Variants in EXOC6 observed in about 807,000 individuals in gnomAD.
EXOC6 encodes exocyst complex component 6.
In EXOC6, 60 loss-of-function variants were observed where a neutral mutation model predicts 112.5. That is an observed-to-expected ratio of 0.53 (90% confidence interval 0.43 to 0.66). The LOEUF is 0.66. Ranked by LOEUF, EXOC6 falls within the 30% of genes least tolerant of loss-of-function variation. The pLI is 0.00. For missense variants in EXOC6, 855 were observed against 957.1 expected (o/e 0.89, Z 1.41); for synonymous variants, 295 against 308.0 (o/e 0.96, Z 0.44).
intron 20 of EXOC6, among the ~76,000 whole-genome samples, chr10:93,020,369 G>C (rs1844729450): frequency 6.6e-6 from 1 of 151,858 alleles, no homozygotes; most frequent in Non-Finnish European, 1.5e-5. Flanking sequence ...TGTGCAAAAA[G>C]TTTGCTTGAA....
At chr10:92,896,141 G>GTATA (rs1157417259) in intron 4 of EXOC6, among the ~76,000 whole-genome samples, 1 of 33,668 alleles carries the variant, frequency 3.0e-5, no homozygotes, top group African/African-American at 1.4e-4. Context: ...GTGTGTGTAT[G>GTATA]TATGTGTATA....
intron 17 of EXOC6, among the ~76,000 whole-genome samples, chr10:92,964,476 G>T (rs896632502): frequency 6.6e-6 from 1 of 152,138 alleles, no homozygotes; most frequent in Non-Finnish European, 1.5e-5. Flanking sequence ...GCAGGAAGAA[G>T]TTAACTAGGG....
At chr10:92,923,078 G>A (rs9633695) in intron 8 of EXOC6, among the ~76,000 whole-genome samples, 119,062 of 152,114 alleles carry the variant, frequency 0.78, 47,860 homozygotes, top group East Asian at 0.99. Flanking sequence ...CAGATTACCA[G>A]TGTTGAGATT....
chr10:92,867,482 G>A (rs981349496), intron 1 of EXOC6, among the ~76,000 whole-genome samples: 3 of 152,136 alleles, frequency 2.0e-5, no homozygotes, highest in African/African-American at 7.2e-5. Context: ...ACTTCTGGGA[G>A]CCAAGAAAAG....
At chr10:92,939,655 C>T (rs1028950674) in intron 12 of EXOC6, among the ~76,000 whole-genome samples, 1 of 151,968 alleles carries the variant, frequency 6.6e-6, no homozygotes, top group Non-Finnish European at 1.5e-5. Flanking sequence ...TTGAAGTAAT[C>T]ATCAGAGGTT....
Position 92,915,902 on chromosome 10 carries a change from A to G in EXOC6, c.808A>G (p.Asn270Asp). The G allele has an allele frequency of 6.5e-7, 1 of 1,536,384 alleles. No individual in the cohort carries two copies. Among genetic ancestry groups the G allele is most frequent in the Non-Finnish European group, 8.7e-7 (1 of 1,152,762 alleles). Reference protein sequence around the residue: ...LKHSLEEEDENEEEILTVQDL... With the variant: ...LKHSLEEEDEDEEEILTVQDL... ...ACATTCACTTGAAGAAGAGGATGAG[A>G]ATGAAGAAGAGGTGATAGGTGTCTT... Residue 270 changes from asparagine to aspartate, a missense_variant, in exon 7 of 22, where the codon AAT becomes GAT. This residue lies in a region of EXOC6 where 405 missense variants were observed against 393.6 expected (regional missense o/e 1.03). Transcript: ENST00000260762.
At chr10:93,001,740 A>G (rs1843765914) in intron 19 of EXOC6, among the ~76,000 whole-genome samples, 1 of 152,196 alleles carries the variant, frequency 6.6e-6, no homozygotes, top group African/African-American at 2.4e-5. Flanking sequence ...CCTGACAACT[A>G]TATCTGAAGT....
At chr10:92,935,615 C>T (rs1564843235) in intron 11 of EXOC6, among the ~76,000 whole-genome samples, 199 bp from the exon 12 acceptor site, 1 of 152,042 alleles carries the variant, frequency 6.6e-6, no homozygotes, top group Non-Finnish European at 1.5e-5. Flanking sequence ...TCATAAGTAT[C>T]ATATTATGAT....
chr10:92,838,746 G>A (rs1409288566), intron 1 of EXOC6, among the ~76,000 whole-genome samples: 2 of 152,152 alleles, frequency 1.3e-5, no homozygotes, highest in Admixed American at 6.5e-5. Context: ...CAGTGCCTGT[G>A]TTGTCCCAGC....
At chr10:93,000,478 C>T (rs1432754605) in intron 19 of EXOC6, among the ~76,000 whole-genome samples, 1 of 152,066 alleles carries the variant, frequency 6.6e-6, no homozygotes, top group South Asian at 2.1e-4. Context: ...TTGGAAAAGA[C>T]CAAGAAAGGT....
chr10:92,965,176 T>C (rs1055464412), intron 17 of EXOC6, among the ~76,000 whole-genome samples: 4 of 152,160 alleles, frequency 2.6e-5, no homozygotes, highest in African/African-American at 7.2e-5. Flanking sequence ...CAGTAAATCG[T>C]ATATGTTTAC....
At chr10:92,847,835 CT>C (rs3078184), upstream of EXOC6, among the ~76,000 whole-genome samples, 1,086 of 93,582 alleles carry the variant, frequency 0.012, 13 homozygotes, top group African/African-American at 0.035. Context: ...CGCCCTGGGC[CT>C]TTTTTTTTTT....
intron 4 of EXOC6, among the ~76,000 whole-genome samples, chr10:92,896,007 A>G (rs1431715338): frequency 2.8e-5 from 4 of 142,324 alleles, no homozygotes; most frequent in Non-Finnish European, 6.1e-5. Context: ...TTATATATAT[A>G]TGTGTATATA....
intron 1 of EXOC6, among the ~76,000 whole-genome samples, chr10:92,865,745 A>G (rs1214963430): frequency 1.3e-5 from 2 of 151,966 alleles, no homozygotes; most frequent in Non-Finnish European, 2.9e-5. Context: ...TTGACTCCCA[A>G]AACTTAACTA....
intron 20 of EXOC6, among the ~76,000 whole-genome samples, chr10:93,022,656 GT>G (rs1288550102): frequency 6.6e-6 from 1 of 151,844 alleles, no homozygotes; most frequent in Admixed American, 6.6e-5. Flanking sequence ...ACCTATATTT[GT>G]TTTTTTGCTT....
intron 20 of EXOC6, among the ~76,000 whole-genome samples, chr10:93,041,040 G>T (rs748269400): frequency 1.2e-4 from 18 of 152,252 alleles, no homozygotes; most frequent in Middle Eastern, 3.4e-3. Context: ...TGTGTGTCCC[G>T]CATGCTGTGT....
At chr10:93,042,956 TTA>T (rs1465262261) in intron 20 of EXOC6, among the ~76,000 whole-genome samples, 39 of 114,652 alleles carry the variant, frequency 3.4e-4, no homozygotes, top group South Asian at 5.1e-4. Flanking sequence ...ATTATTATTA[TTA>T]TTTTTTGAGA....
At chr10:92,882,874 A>G (rs1849034343) in intron 1 of EXOC6, among the ~76,000 whole-genome samples, 3 of 152,208 alleles carry the variant, frequency 2.0e-5, no homozygotes, top group African/African-American at 7.2e-5. Context: ...CAATTTATAT[A>G]ACAAAGAATA....
intron 1 of EXOC6, among the ~76,000 whole-genome samples, chr10:92,836,740 A>G (rs779111489): frequency 6.6e-6 from 1 of 152,130 alleles, no homozygotes; most frequent in Non-Finnish European, 1.5e-5. Context: ...CTTTCCATAC[A>G]TATGTACGTG....
Sources: allele counts gnomAD v4.1 joint callset (sites outside exome capture counted in the v4.1 genomes callset), GRCh38; gene constraint gnomAD v4.1.1; regional missense constraint gnomAD v4.1.1; transcripts MANE v1.5; gene names NCBI Gene and HGNC (gene_info 2026-07-23, HGNC 2026-07-21).